Variants in AACS observed in about 807,000 individuals in gnomAD.
The protein encoded by AACS is acetoacetate-CoA ligase.
Under a neutral mutation model 83.1 loss-of-function variants are expected in AACS, and 69 were observed. The observed-to-expected ratio is 0.83, with a 90% CI of 0.68 to 1.01. AACS has a LOEUF of 1.01. AACS is among the 50% of genes least tolerant of loss of function. AACS has a pLI of 0.00. For synonymous variants in AACS, 333 were observed against 343.4 expected (o/e 0.97, Z 0.33); for missense variants, 866 against 882.2 (o/e 0.98, Z 0.23).
rs572963278 is a variant in AACS at position 125,117,050 on chromosome 12, C to T, written c.997-1591C>T. On this transcript the variant is annotated intron_variant, in intron 9 of 17. Coordinates refer to ENST00000316519, the MANE Select transcript of AACS (RefSeq NM_023928.5). ...CTCCAACTCTTGGGCTCAAGTAATC[C>T]TTCCACCTCAGCCTCCAAGTAGCTG... Among the ~76,000 whole-genome samples the T allele has an allele frequency of 7.2e-5, 11 of 152,214 alleles. No homozygotes were observed. The South Asian group carries it at 2.3e-3, about 32-fold the overall frequency.
At chr12:125,137,012 T>G in intron 17 of AACS, 148 bp downstream of exon 17, 1 of 768,276 alleles carries the variant, frequency 1.3e-6, no homozygotes, top group Non-Finnish European at 2.1e-6. Context: ...CCTGCCATCC[T>G]TTTTCCTACC....
At chr12:125,099,364 A>G (rs1399710368) in intron 5 of AACS, among the ~76,000 whole-genome samples, 2 of 152,180 alleles carry the variant, frequency 1.3e-5, no homozygotes, top group Non-Finnish European at 2.9e-5. Context: ...GACCTTTGTC[A>G]CTTCAGCTGT....
At chr12:125,068,069 C>T (rs988676925) in intron 1 of AACS, among the ~76,000 whole-genome samples, 3 of 152,174 alleles carry the variant, frequency 2.0e-5, no homozygotes, top group African/African-American at 7.2e-5. Context: ...AGCATGGCTG[C>T]GGAGCTCCTT....
In AACS at chr12:125,129,745, G is replaced by A. The variant is rs1017951452; in HGVS notation, c.1549+285G>A. Among the ~76,000 whole-genome samples the A allele has an allele frequency of 1.3e-5, 2 of 152,186 alleles. No homozygotes were observed. Among genetic ancestry groups the A allele is most frequent in the African/African-American group, 4.8e-5 (2 of 41,446 alleles). ...AGCCCCTGCTGCTGGGAGCTGGCAC[G>A]AGCCTCTGGTTTGCATGTGGGAGGG... On this transcript the variant is annotated intron_variant, in intron 14 of 17. Coordinates refer to ENST00000316519, the MANE Select transcript of AACS (RefSeq NM_023928.5). This position sits in a 1 kb window ranked among gnomAD's most constrained non-coding sequence, Gnocchi z 4.3.
intron 7 of AACS, among the ~76,000 whole-genome samples, chr12:125,103,891 G>A (rs12299619): frequency 6.8e-6 from 1 of 147,332 alleles, no homozygotes; most frequent in Non-Finnish European, 1.5e-5. Flanking sequence ...GGGAGGCTGA[G>A]GCAGGAGAAT....
chr12:125,084,055 C>T lies in AACS; in HGVS notation c.359-2275C>T, dbSNP rs184069736. Among the ~76,000 whole-genome samples the T allele has an allele frequency of 2.5e-3, 387 of 152,104 alleles. 2 individuals are homozygous for T. Among genetic ancestry groups the T allele is most frequent in the Non-Finnish European group, 4.7e-3 (321 of 67,994 alleles). On this transcript the variant is annotated intron_variant, in intron 3 of 17. Coordinates refer to ENST00000316519, the MANE Select transcript of AACS (RefSeq NM_023928.5). ...TAGAAGGTCACCTTCTGGCTGGGTG[C>T]GGTGGTTCGCGCCTGTAATCTCAGC...
chr12:125,098,201 G>A (rs189223797), intron 5 of AACS, among the ~76,000 whole-genome samples: 1 of 151,958 alleles, frequency 6.6e-6, no homozygotes, highest in African/African-American at 2.4e-5. Flanking sequence ...AGGCAGAGGC[G>A]GATGGATCAC....
intron 1 of AACS, among the ~76,000 whole-genome samples, chr12:125,070,184 G>A (rs776778044): frequency 5.9e-5 from 9 of 152,188 alleles, no homozygotes; most frequent in Non-Finnish European, 1.0e-4. Context: ...TTTTACAAGC[G>A]GTTGCGGTTC....
At position 125,073,443 on chromosome 12, in the gene AACS, A is replaced by C. The variant is rs560583758; in HGVS notation, c.134-433A>C. On this transcript the variant is annotated intron_variant, in intron 1 of 17. Transcript: ENST00000316519. ...GTGAACTCCTAATGCCATGGTGTTA[A>C]TTTCCAAGGCCCTGTTCTAAGCACT... Among the ~76,000 whole-genome samples, 3 of 152,314 alleles carry C rather than the reference A, an allele frequency of 2.0e-5. No individual in the cohort carries two copies. The East Asian group carries it at 5.8e-4, about 29-fold the overall frequency.
At chr12:125,103,548 G>A (rs952770405) in intron 7 of AACS, among the ~76,000 whole-genome samples, 1 of 151,488 alleles carries the variant, frequency 6.6e-6, no homozygotes, top group Admixed American at 6.6e-5. Flanking sequence ...TGTATGTATG[G>A]CTATGCATAC....
chr12:125,077,234 A>T (rs1166408844), intron 3 of AACS, among the ~76,000 whole-genome samples: 1 of 151,914 alleles, frequency 6.6e-6, no homozygotes, highest in Non-Finnish European at 1.5e-5. Flanking sequence ...GCTTTTAAAA[A>T]TTTATTATTA....
rs576670880 is a variant in AACS, at chr12:125,133,971, G to A, written c.1550-32G>A. ...CAGCCTGTCATGGCCCCTTCTCCTC[G>A]GGATGACCGGGCACCTCTGCTGTCT... On this transcript the variant is annotated intron_variant, in intron 14 of 17. Coordinates refer to ENST00000316519, the MANE Select transcript of AACS (RefSeq NM_023928.5). 147 of 1,613,334 alleles carry A rather than the reference G, an allele frequency of 9.1e-5. No individual in the cohort carries two copies. In the Middle Eastern group the frequency reaches 1.2e-3, roughly 13 times the overall value.
chr12:125,100,928 A>T (rs1230945214), intron 5 of AACS: 1 of 152,258 alleles, frequency 6.6e-6, no homozygotes, highest in African/African-American at 2.4e-5. Flanking sequence ...TAATTAACTT[A>T]ATAGTCCCAC....
chr12:125,070,514 T>C (rs1955831823), intron 1 of AACS, among the ~76,000 whole-genome samples: 1 of 151,910 alleles, frequency 6.6e-6, no homozygotes, highest in African/African-American at 2.4e-5. Context: ...AAATGAATAA[T>C]AAAAAAGAGG....
intron 8 of AACS, among the ~76,000 whole-genome samples, chr12:125,114,080 G>T (rs534511024): frequency 1.1e-4 from 17 of 150,372 alleles, no homozygotes; most frequent in Non-Finnish European, 1.8e-4. Flanking sequence ...CCCTCATGAG[G>T]CTGGGCTAGC....
intron 3 of AACS, among the ~76,000 whole-genome samples, chr12:125,079,487 T>G (rs189190946): frequency 1.5e-3 from 234 of 152,102 alleles, no homozygotes; most frequent in African/African-American, 4.9e-3. Context: ...GCTCAAGCGA[T>G]CCTCCCACCT....
chr12:125,080,633 T>C (rs1956151399), intron 3 of AACS, among the ~76,000 whole-genome samples: 1 of 642 alleles, frequency 1.6e-3, no homozygotes, highest in South Asian at 0.17. Flanking sequence ...ACTCCCACCA[T>C]CTCTTCTCTT....
chr12:125,065,439 C>T lies in AACS; in HGVS notation c.-146C>T, dbSNP rs183894885. ...AGGAGGCGGCGGCGGCCGTTCAGTC[C>T]CTTGTTCCCCGCCGCCGCCGTCGCT... On this transcript the variant is annotated 5_prime_UTR_variant, in exon 1 of 18. Transcript: ENST00000316519. The T allele has an allele frequency of 3.9e-5, 34 of 876,266 alleles. No individual in the cohort carries two copies. In the African/African-American group the frequency reaches 4.7e-4, roughly 12 times the overall value. The allele number at this position is 876,266 out of a possible 1,614,324, so 54.3% of individuals were successfully genotyped here.
intron 9 of AACS, among the ~76,000 whole-genome samples, chr12:125,116,994 G>T (rs1379713813): frequency 6.6e-6 from 1 of 151,922 alleles, no homozygotes; most frequent in East Asian, 1.9e-4. Flanking sequence ...GCTCAGGCTA[G>T]AGTGCAGTGG....
Sources: allele counts gnomAD v4.1 joint callset (sites outside exome capture counted in the v4.1 genomes callset), GRCh38; gene constraint gnomAD v4.1.1; non-coding constraint Gnocchi (gnomAD v3.1); transcripts MANE v1.5; gene names NCBI Gene and HGNC (gene_info 2026-07-23, HGNC 2026-07-21).